The following FAM163A variants were observed in gnomAD, a reference collection of about 807,000 sequenced individuals.
FAM163A encodes the protein family with sequence similarity 163 member A.
A neutral mutation model predicts 12.0 loss-of-function variants in FAM163A; 7 were observed. That is an observed-to-expected ratio of 0.58 (90% CI 0.33 to 1.10). The LOEUF (loss-of-function observed/expected upper bound fraction) is 1.10, where lower values mean the gene tolerates loss of function less well. FAM163A is among the 50% of genes least tolerant of loss of function. The probability of loss-of-function intolerance (pLI) is 0.03; values close to 1 mark genes in which losing one functional copy is unlikely to be tolerated. For synonymous variants in FAM163A, 101 were observed against 91.0 expected (o/e 1.11, Z -0.62); for missense variants, 202 against 218.6 (o/e 0.92, Z 0.48).
intron 2 of FAM163A, among the ~76,000 whole-genome samples, chr1:179,808,222 A>G (rs575796578): frequency 5.9e-5 from 9 of 152,356 alleles, no homozygotes; most frequent in African/African-American, 1.9e-4. Flanking sequence ...CTTTAGGCAA[A>G]TGACTTAATG....
chr1:179,771,248 C>T (rs575476932), intron 1 of FAM163A, among the ~76,000 whole-genome samples: 1 of 152,258 alleles, frequency 6.6e-6, no homozygotes, highest in South Asian at 2.1e-4. Flanking sequence ...GCCGGCTCCC[C>T]CTGTGCATCC....
intron 1 of FAM163A, among the ~76,000 whole-genome samples, chr1:179,753,246 G>A (rs987604763): frequency 1.3e-5 from 2 of 152,174 alleles, no homozygotes; most frequent in Admixed American, 6.5e-5. Flanking sequence ...CCACTTACAT[G>A]AGGCATCTAA....
chr1:179,733,287 G>T, the FAM163A span, among the ~76,000 whole-genome samples: 4 of 152,200 alleles, frequency 2.6e-5, no homozygotes, highest in South Asian at 2.1e-4. Context: ...TGATTATAAG[G>T]TTCAAGCTGT....
rs1360647294 is a variant in FAM163A at position 179,807,860 on chromosome 1, C to G, written c.-73C>G. 6.6e-6 allele frequency: 1 copy of G among 152,330 alleles called. No individual in the cohort carries two copies. The highest frequency in any genetic ancestry group is 2.4e-5 in the African/African-American group (1 of 41,460). The allele number at this position is 152,330 out of a possible 1,614,324, so 9.4% of individuals were successfully genotyped here. On this transcript the variant is annotated 5_prime_UTR_variant, in exon 2 of 5. Transcript: ENST00000341785. ...GTCTGCTCAGGTGTAGCCCGCGTGA[C>G]TGAGTCACCGCTGCTCCAGCTGTTT...
chr1:179,802,134 T>C (rs1693267949), intron 1 of FAM163A, among the ~76,000 whole-genome samples: 2 of 152,220 alleles, frequency 1.3e-5, no homozygotes, highest in South Asian at 4.1e-4. Flanking sequence ...ATCATGATCA[T>C]TGGTCTGTGC....
At chr1:179,747,926 G>C (rs2147964130) in intron 1 of FAM163A, among the ~76,000 whole-genome samples, 1 of 140,244 alleles carries the variant, frequency 7.1e-6, no homozygotes, top group South Asian at 2.6e-4. Context: ...CTGTGCATGT[G>C]ATGTTCCTAG....
At chr1:179,732,218 C>T in the FAM163A span, among the ~76,000 whole-genome samples, 2,006 of 152,346 alleles carry the variant, frequency 0.013, 16 homozygotes, top group Middle Eastern at 0.048. Context: ...TTGCTCCTTT[C>T]TCATTTACTA....
chr1:179,787,974 G>T (rs922253702), intron 1 of FAM163A, among the ~76,000 whole-genome samples: 2 of 152,214 alleles, frequency 1.3e-5, no homozygotes, highest in African/African-American at 4.8e-5. Context: ...GAAACTGCTG[G>T]TCCAGGTGCC....
At chr1:179,747,568 T>G (rs1435528638) in intron 1 of FAM163A, among the ~76,000 whole-genome samples, 4 of 152,238 alleles carry the variant, frequency 2.6e-5, no homozygotes, top group Non-Finnish European at 5.9e-5. Flanking sequence ...CTGCTAAGCC[T>G]ACACTATTTC....
At chr1:179,751,872 T>C (rs1156601279) in intron 1 of FAM163A, among the ~76,000 whole-genome samples, 1 of 152,200 alleles carries the variant, frequency 6.6e-6, no homozygotes, top group Admixed American at 6.5e-5. Flanking sequence ...ATTTTTATAA[T>C]GTCCATACTA....
chr1:179,761,698 G>C (rs1686836901), intron 1 of FAM163A, among the ~76,000 whole-genome samples: 1 of 152,200 alleles, frequency 6.6e-6, no homozygotes, highest in Non-Finnish European at 1.5e-5. Context: ...CAAGAACACT[G>C]TCCTAAGAGG....
intron 1 of FAM163A, among the ~76,000 whole-genome samples, chr1:179,769,132 AT>A (rs1405338403): frequency 6.6e-6 from 1 of 152,000 alleles, no homozygotes; most frequent in Admixed American, 6.6e-5. Context: ...TATGTTTGAA[AT>A]TTTTTATTTA....
upstream of FAM163A, among the ~76,000 whole-genome samples, chr1:179,740,303 T>C (rs1320256238): frequency 6.6e-6 from 1 of 152,146 alleles, no homozygotes; most frequent in Non-Finnish European, 1.5e-5. Context: ...TTTAGCCTCT[T>C]GTGTAGCTGG....
intron 1 of FAM163A, among the ~76,000 whole-genome samples, chr1:179,804,637 A>C (rs1478927669): frequency 6.6e-6 from 1 of 152,250 alleles, no homozygotes; most frequent in African/African-American, 2.4e-5. Flanking sequence ...AAGAAGAACA[A>C]GATCTTGTCT....
At chr1:179,760,706 G>T (rs1340167255) in intron 1 of FAM163A, among the ~76,000 whole-genome samples, 1 of 152,214 alleles carries the variant, frequency 6.6e-6, no homozygotes, top group African/African-American at 2.4e-5. Flanking sequence ...AGTGGCAAAG[G>T]CAGGAGCAGA....
intron 1 of FAM163A, among the ~76,000 whole-genome samples, chr1:179,779,020 G>A (rs914759771): frequency 1.3e-5 from 2 of 152,176 alleles, no homozygotes; most frequent in African/African-American, 4.8e-5. Context: ...CCTTCAAAAG[G>A]TTTAGGCAGG....
intron 1 of FAM163A, among the ~76,000 whole-genome samples, chr1:179,778,774 G>A (rs1408853055): frequency 6.6e-6 from 1 of 152,178 alleles, no homozygotes; most frequent in African/African-American, 2.4e-5. Flanking sequence ...AGGCGTGAGG[G>A]GTGGGGGAAG....
intron 1 of FAM163A, among the ~76,000 whole-genome samples, chr1:179,755,454 G>T (rs538879666): frequency 6.6e-6 from 1 of 152,294 alleles, no homozygotes; most frequent in South Asian, 2.1e-4. Context: ...CCATCTTTGT[G>T]CATGTTGAAA....
At chr1:179,753,943 G>A (rs190239385) in intron 1 of FAM163A, among the ~76,000 whole-genome samples, 13 of 152,310 alleles carry the variant, frequency 8.5e-5, no homozygotes, top group Admixed American at 1.3e-4. Context: ...CATAGAAAGT[G>A]ATTAACAAAG....
Sources: allele counts gnomAD v4.1 joint callset (sites outside exome capture counted in the v4.1 genomes callset), GRCh38; gene constraint gnomAD v4.1.1; transcripts MANE v1.5; gene names NCBI Gene and HGNC (gene_info 2026-07-23, HGNC 2026-07-21).